The following FIGN variants were observed in gnomAD, a reference collection of about 807,000 sequenced individuals.
FIGN encodes fidgetin.
A neutral mutation model predicts 51.3 loss-of-function variants in FIGN; 11 were observed. The observed-to-expected ratio is 0.21, with a 90% CI of 0.13 to 0.35. The LOEUF is 0.35. Ranked by LOEUF, FIGN falls within the 10% of genes least tolerant of loss-of-function variation. The pLI, the probability that FIGN is intolerant of heterozygous loss-of-function variation, is 1.00. For missense variants in FIGN, 857 were observed against 943.6 expected, an observed-to-expected ratio of 0.91 and a Z score of 1.20; for synonymous variants, 407 against 363.2, an observed-to-expected ratio of 1.12 and a Z score of -1.37.
intron 2 of FIGN, among the ~76,000 whole-genome samples, chr2:163,631,747 G>A (rs977130698): frequency 4.6e-5 from 7 of 152,180 alleles, no homozygotes; most frequent in Non-Finnish European, 1.0e-4. Flanking sequence ...CATTAGAACA[G>A]GGAAGGTAAT....
chr2:163,610,976 G>A lies in FIGN; in HGVS notation c.856C>T (p.Pro286Ser). The part of the protein sequence containing the change: ...PSGIPAPTPL[P>S]PTTVPGYTYQ... ...GTGTAGCCAGGAACAGTGGTGGGGG[G>A]TAGGGGGGTGGGAGCAGGAATTCCT... Residue 286 changes from proline to serine, a missense_variant, in exon 3 of 3, where the codon CCC becomes TCC. Physicochemically the swap from Pro to Ser is moderately conservative, Grantham distance 74. Transcript: ENST00000333129. 1.2e-6 allele frequency: 2 copies of A among 1,613,554 alleles called. No homozygotes were observed. Among genetic ancestry groups the A allele is most frequent in the South Asian group, 2.2e-5 (2 of 91,082 alleles).
chr2:163,727,694 T>A (rs1242502551), intron 2 of FIGN, among the ~76,000 whole-genome samples: 1 of 152,230 alleles, frequency 6.6e-6, no homozygotes, highest in Non-Finnish European at 1.5e-5. Context: ...AGCTCTTTGA[T>A]ATTTCCCTTC....
chr2:163,610,996 A>G lies in FIGN; in HGVS notation c.836T>C (p.Ile279Thr). 6.2e-7 allele frequency: 1 copy of G among 1,613,852 alleles called. No individual in the cohort carries two copies. Among genetic ancestry groups the G allele is most frequent in the Non-Finnish European group, 8.5e-7 (1 of 1,179,992 alleles). ...GGGGGGTAGGGGGGTGGGAGCAGGAATTCCTGAAGGCAGGTACGCTGAAGG... is the reference window on the plus strand; with the variant it reads ...GGGGGGTAGGGGGGTGGGAGCAGGAGTTCCTGAAGGCAGGTACGCTGAAGG... The part of the protein sequence containing the change: ...PPPSAYLPSG[I>T]PAPTPLPPTT... The change falls in exon 3 of 3, where the codon ATT (isoleucine) becomes ACT (threonine). Residue 279 changes from isoleucine to threonine, a missense_variant. By Grantham distance (89) the Ile-to-Thr change is moderately conservative (BLOSUM62 -1). Around this residue, in one of 3 missense-constraint regions of FIGN, gnomAD observed 799 missense variants for 849.5 expected, o/e 0.94. Coordinates refer to ENST00000333129, the MANE Select transcript of FIGN (RefSeq NM_018086.4).
rs1361571155 is a variant in FIGN at position 163,609,545 on chromosome 2, G to T, written c.*7C>A. The T allele has an allele frequency of 2.5e-6, 4 of 1,587,390 alleles. No homozygotes were observed. Among genetic ancestry groups the T allele is most frequent in the South Asian group, 2.3e-5 (2 of 87,692 alleles). On this transcript the variant is annotated 3_prime_UTR_variant, in exon 3 of 3. Coordinates refer to ENST00000333129, the MANE Select transcript of FIGN (RefSeq NM_018086.4). The stretch of plus-strand genomic sequence containing the variant: ...ATTCATTACATTTTTTTTTTCTAAA[G>T]AAGTTATCACTGACTGCAACCAAAC...
chr2:163,704,615 G>C (rs2389943), intron 2 of FIGN, among the ~76,000 whole-genome samples: 139,751 of 145,776 alleles, frequency 0.96, 66,889 homozygotes, highest in Middle Eastern at 0.99. Context: ...CCCACAGACT[G>C]TCTCTCTCTT....
intron 2 of FIGN, among the ~76,000 whole-genome samples, chr2:163,662,383 GGAA>G (rs2105328459): frequency 6.6e-6 from 1 of 152,258 alleles, no homozygotes; most frequent in African/African-American, 2.4e-5. Context: ...ATTTCAAAAG[GGAA>G]ACAGCATAAA....
intron 2 of FIGN, among the ~76,000 whole-genome samples, chr2:163,727,015 A>G (rs531194851): frequency 6.6e-6 from 1 of 152,078 alleles, no homozygotes; most frequent in African/African-American, 2.4e-5. Context: ...GATTAAAATC[A>G]CTGAATCATA....
intron 2 of FIGN, among the ~76,000 whole-genome samples, chr2:163,648,340 T>A (rs994689245): frequency 6.6e-6 from 1 of 152,246 alleles, no homozygotes; most frequent in Non-Finnish European, 1.5e-5. Flanking sequence ...ATGAATGAAA[T>A]CTTCTTAACA....
At chr2:163,725,933 C>A (rs775083991) in intron 2 of FIGN, among the ~76,000 whole-genome samples, 3 of 151,902 alleles carry the variant, frequency 2.0e-5, no homozygotes, top group Non-Finnish European at 4.4e-5. Flanking sequence ...TAAAGAGATA[C>A]CAGCTCCAAC....
chr2:163,611,544 T>G lies in FIGN; in HGVS notation c.288A>C (p.Ser96=). The stretch of plus-strand genomic sequence containing the variant: ...CATTTTTCCGACCGTTCACTAGTCC[T>G]GATGGTGTGTCCGAATAGTTGCTGA... ...PVLSNYSDTP[S]GLVNGRKNES... The change falls in exon 3 of 3, where the codon TCA becomes TCC. Residue 96 remains serine, a synonymous_variant. Coordinates refer to ENST00000333129, the MANE Select transcript of FIGN (RefSeq NM_018086.4). The G allele has an allele frequency of 6.2e-7, 1 of 1,614,230 alleles. No individual in the cohort carries two copies. Among genetic ancestry groups the G allele is most frequent in the South Asian group, 1.1e-5 (1 of 91,086 alleles).
In FIGN at chr2:163,611,767, G is replaced by A. The variant is rs1438042391; in HGVS notation, c.65C>T (p.Pro22Leu). 6.2e-7 allele frequency: 1 copy of A among 1,611,810 alleles called. No individual in the cohort carries two copies. The highest frequency in any genetic ancestry group is 8.5e-7 in the Non-Finnish European group (1 of 1,178,086). ...TGAGGTGATGTCAAAGTGCTGTTCT[G>A]GCCACTGGGCATGCTCTGGCGTCCA... ...MQWTPEHAQW[P>L]EQHFDITSTT... Residue 22 changes from proline to leucine, a missense_variant, in exon 3 of 3, where the codon CCA becomes CTA. By Grantham distance (98) the Pro-to-Leu change is moderately conservative (BLOSUM62 -3). Around this residue, in one of 3 missense-constraint regions of FIGN, gnomAD observed 56 missense variants for 75.3 expected, o/e 0.74. Coordinates refer to ENST00000333129, the MANE Select transcript of FIGN (RefSeq NM_018086.4).
intron 2 of FIGN, among the ~76,000 whole-genome samples, chr2:163,716,945 C>T (rs1684676436): frequency 6.6e-6 from 1 of 152,128 alleles, no homozygotes; most frequent in Non-Finnish European, 1.5e-5. Flanking sequence ...TCCAAGTTAT[C>T]CAGTACATTG....
chr2:163,625,032 A>G (rs1358082382), intron 2 of FIGN, among the ~76,000 whole-genome samples: 1 of 152,030 alleles, frequency 6.6e-6, no homozygotes, highest in East Asian at 1.9e-4. Context: ...GTTATCTTCT[A>G]TTAGAGCTGG....
intron 2 of FIGN, among the ~76,000 whole-genome samples, chr2:163,664,421 A>G (rs549772917): frequency 9.9e-5 from 15 of 152,262 alleles, no homozygotes; most frequent in Non-Finnish European, 2.1e-4. Flanking sequence ...TGTTTATTAA[A>G]TTCTAGTATA....
chr2:163,669,067 A>T (rs1419572240), intron 2 of FIGN, among the ~76,000 whole-genome samples: 1 of 149,618 alleles, frequency 6.7e-6, no homozygotes, highest in African/African-American at 2.5e-5. Context: ...TAAAGGAAAG[A>T]TATTCATCCT....
At chr2:163,731,416 T>G (rs1684927097) in intron 2 of FIGN, among the ~76,000 whole-genome samples, 1 of 152,172 alleles carries the variant, frequency 6.6e-6, no homozygotes, top group Non-Finnish European at 1.5e-5. Flanking sequence ...CTGGTTACAC[T>G]CTTATATTAT....
chr2:163,715,102 T>C (rs1180367872), intron 2 of FIGN, among the ~76,000 whole-genome samples: 1 of 152,116 alleles, frequency 6.6e-6, no homozygotes, highest in Non-Finnish European at 1.5e-5. Flanking sequence ...AAAAGGAAAA[T>C]AGCTTATACT....
intron 2 of FIGN, among the ~76,000 whole-genome samples, chr2:163,670,623 C>T (rs1398312411): frequency 6.6e-6 from 1 of 152,108 alleles, no homozygotes; most frequent in Non-Finnish European, 1.5e-5. Context: ...TATATTTATG[C>T]AGTATGACAT....
chr2:163,735,050 C>A lies in FIGN; in HGVS notation c.-123G>T. On this transcript the variant is annotated 5_prime_UTR_variant, in exon 2 of 3. It adds an upstream start codon to the 5' untranslated region. Transcript: ENST00000333129. ...ATGTCACTGCCTTGAAACGTGGGCC[C>A]TTTCGTCAGGTATTCATTTAACCTA... 1.1e-6 allele frequency: 1 copy of A among 912,116 alleles called. No individual in the cohort carries two copies. The highest frequency in any genetic ancestry group is 2.7e-5 in the East Asian group (1 of 37,640). The allele number at this position is 912,116 out of a possible 1,614,324, so 56.5% of individuals were successfully genotyped here.
Sources: gnomAD v4.1 joint callset for allele counts (sites outside exome capture counted in the v4.1 genomes callset) on GRCh38, gnomAD v4.1.1 for gene constraint, gnomAD v4.1.1 regional missense constraint, MANE v1.5 for transcripts, NCBI Gene and HGNC (gene_info 2026-07-23, HGNC 2026-07-21) for gene names.